Variants in GRB10 observed in about 807,000 individuals in gnomAD.
The protein encoded by GRB10 is growth factor receptor bound protein 10.
In GRB10, 20 loss-of-function variants were observed where a neutral mutation model predicts 80.9. That is an observed-to-expected ratio of 0.25 (90% CI 0.17 to 0.36). The LOEUF (loss-of-function observed/expected upper bound fraction) is 0.36. Ranked by LOEUF, GRB10 falls within the 10% of genes least tolerant of loss-of-function variation. GRB10 has a pLI of 1.00. For missense variants in GRB10, 548 were observed against 747.7 expected, an observed-to-expected ratio of 0.73 and a Z score of 3.12; for synonymous variants, 291 against 291.5, an observed-to-expected ratio of 1.00 and a Z score of 0.02.
intron 7 of GRB10, among the ~76,000 whole-genome samples, chr7:50,627,738 G>A (rs1585927674): frequency 6.6e-6 from 1 of 152,226 alleles, no homozygotes; most frequent in Admixed American, 6.5e-5. Flanking sequence ...CCCAGAACAC[G>A]AGGTGTGTTT....
At chr7:50,710,114 G>A (rs931039423) in intron 4 of GRB10, among the ~76,000 whole-genome samples, 2 of 152,012 alleles carry the variant, frequency 1.3e-5, no homozygotes, top group African/African-American at 4.8e-5. Flanking sequence ...CCAACGAAAA[G>A]TCTACCTCCT....
chr7:50,593,893 A>C (rs986739843), intron 18 of GRB10, among the ~76,000 whole-genome samples: 1 of 152,074 alleles, frequency 6.6e-6, no homozygotes, highest in African/African-American at 2.4e-5. Flanking sequence ...CTGCACACCT[A>C]ATGCCCTAAG....
At chr7:50,675,207 G>A (rs1031021366) in intron 5 of GRB10, among the ~76,000 whole-genome samples, 2 of 152,250 alleles carry the variant, frequency 1.3e-5, no homozygotes, top group African/African-American at 4.8e-5. Flanking sequence ...TACAACACAT[G>A]CCTGAGGGCT....
intron 18 of GRB10, among the ~76,000 whole-genome samples, chr7:50,593,351 C>T (rs79161692): frequency 0.044 from 6,641 of 152,224 alleles, 473 homozygotes; most frequent in African/African-American, 0.15. Flanking sequence ...AGCTCCCCTG[C>T]TCCCTAAGGT....
chr7:50,771,390 T>C (rs1028742210), intron 2 of GRB10, among the ~76,000 whole-genome samples: 4 of 152,234 alleles, frequency 2.6e-5, no homozygotes, highest in Non-Finnish European at 5.9e-5. Flanking sequence ...TTGTTGATTC[T>C]GGCAAGATGC....
chr7:50,779,382 G>A (rs2078046679), intron 2 of GRB10: 1 of 152,168 alleles, frequency 6.6e-6, no homozygotes, highest in African/African-American at 2.4e-5. Flanking sequence ...GGTATTTTCA[G>A]ACATTGTTAA....
At chr7:50,629,036 G>A (rs1183338092) in intron 7 of GRB10, among the ~76,000 whole-genome samples, 1 of 152,178 alleles carries the variant, frequency 6.6e-6, no homozygotes, top group Non-Finnish European at 1.5e-5. Flanking sequence ...TTATAAATAT[G>A]CTAACCATCA....
At chr7:50,674,872 C>T (rs995957252) in intron 5 of GRB10, among the ~76,000 whole-genome samples, 1 of 152,188 alleles carries the variant, frequency 6.6e-6, no homozygotes, top group Non-Finnish European at 1.5e-5. Context: ...ACAATTCAAT[C>T]ATTAGAGCTG....
At chr7:50,770,621 C>T (rs1342133852) in intron 2 of GRB10, among the ~76,000 whole-genome samples, 3 of 152,124 alleles carry the variant, frequency 2.0e-5, no homozygotes, top group Non-Finnish European at 2.9e-5. Context: ...CATTCCGTCG[C>T]GAATGCACAG....
At position 50,626,971 on chromosome 7, in the gene GRB10, T is replaced by C; in HGVS notation, c.512A>G (p.Lys171Arg). 1 of 1,614,194 alleles carries C rather than the reference T, an allele frequency of 6.2e-7. No homozygotes were observed. Among genetic ancestry groups the C allele is most frequent in the Non-Finnish European group, 8.5e-7 (1 of 1,180,028 alleles). ...GCTTGTCCCATCTTCACTAAAGACT[T>C]TAACATCCTGCAACACACAAAGGGG... is the stretch of plus-strand genomic sequence containing the variant. ...PSQAAAKQDVKVFSEDGTSKV... is the reference protein window; with the variant it reads ...PSQAAAKQDVRVFSEDGTSKV... Residue 171 changes from lysine to arginine, a missense_variant, in exon 8 of 19, where the codon AAA becomes AGA. Physicochemically the swap from Lys to Arg is conservative, Grantham distance 26 (BLOSUM62 2). Coordinates refer to ENST00000401949, the MANE Select transcript of GRB10 (RefSeq NM_001350814.2).
chr7:50,641,091 T>C (rs1413742304), intron 7 of GRB10, among the ~76,000 whole-genome samples: 2 of 135,118 alleles, frequency 1.5e-5, no homozygotes, highest in Non-Finnish European at 3.5e-5. Context: ...CTGGGAACAA[T>C]TTTTTTGTCT....
intron 5 of GRB10, 21 bp downstream of exon 5, chr7:50,703,800 T>C (rs1210718526): frequency 1.3e-6 from 2 of 1,575,576 alleles, no homozygotes; most frequent in East Asian, 2.2e-5. Flanking sequence ...GGAGTGTTCT[T>C]GTGTTTTGCT....
rs756429777 is a variant in GRB10 at position 50,674,505 on chromosome 7, G to A, written c.293C>T (p.Ser98Phe). ...SQPRASGPPRSIQPQVSPRQR... is the reference protein window; with the variant it reads ...SQPRASGPPRFIQPQVSPRQR... Reference sequence around the variant, plus strand: ...CCTCGGGGACACCTGTGGCTGGATGGACCGAGGAGGGCCTGAAGCCCGAGG... The same window carrying A: ...CCTCGGGGACACCTGTGGCTGGATGAACCGAGGAGGGCCTGAAGCCCGAGG... The change falls in exon 6 of 19, where the codon TCC becomes TTC. Residue 98 changes from serine (S) to phenylalanine (F), a missense_variant. Ser to Phe is a radical substitution (Grantham distance 155, BLOSUM62 -2). Around this residue, in one of 4 missense-constraint regions of GRB10, gnomAD observed 245 missense variants for 229.3 expected, o/e 1.07. Coordinates refer to ENST00000401949, the MANE Select transcript of GRB10 (RefSeq NM_001350814.2). 2 of 1,609,606 alleles carry A rather than the reference G, an allele frequency of 1.2e-6. No individual in the cohort carries two copies. Among genetic ancestry groups the A allele is most frequent in the Non-Finnish European group, 1.7e-6 (2 of 1,180,008 alleles).
intron 3 of GRB10, among the ~76,000 whole-genome samples, chr7:50,734,812 G>T (rs1227322183): frequency 1.3e-5 from 2 of 152,120 alleles, no homozygotes; most frequent in African/African-American, 4.8e-5. Flanking sequence ...GCTATCTCTG[G>T]TCTCTAATAA....
At chr7:50,604,615 TCA>T (rs145419095) in intron 15 of GRB10, among the ~76,000 whole-genome samples, 3,430 of 152,256 alleles carry the variant, frequency 0.023, 126 homozygotes, top group African/African-American at 0.079. Flanking sequence ...TGCTTATTTC[TCA>T]CACTGAAGAC....
intron 5 of GRB10, among the ~76,000 whole-genome samples, chr7:50,689,803 C>A (rs1586917033): frequency 6.6e-6 from 1 of 151,454 alleles, no homozygotes; most frequent in Admixed American, 6.6e-5. Context: ...CATTCTGTAG[C>A]AAATGACAGA....
intron 7 of GRB10, among the ~76,000 whole-genome samples, chr7:50,629,722 C>G (rs2053651054): frequency 6.6e-6 from 1 of 152,252 alleles, no homozygotes; most frequent in South Asian, 2.1e-4. Flanking sequence ...CTGCCAGCCA[C>G]TGACCACGGA....
At chr7:50,688,265 G>A (rs1372311945) in intron 5 of GRB10, among the ~76,000 whole-genome samples, 1 of 152,162 alleles carries the variant, frequency 6.6e-6, no homozygotes, top group Non-Finnish European at 1.5e-5. Context: ...AAAACAACAT[G>A]ATCCCTGGGC....
At chr7:50,708,716 G>GC in intron 4 of GRB10, among the ~76,000 whole-genome samples, 1 of 127,508 alleles carries the variant, frequency 7.8e-6, no homozygotes, top group Non-Finnish European at 1.6e-5. Context: ...TCACTCTGTC[G>GC]CCAGGCTGGA....
Sources: gnomAD v4.1 joint callset for allele counts (sites outside exome capture counted in the v4.1 genomes callset) on GRCh38, gnomAD v4.1.1 for gene constraint, gnomAD v4.1.1 regional missense constraint, MANE v1.5 for transcripts, NCBI Gene and HGNC (gene_info 2026-07-23, HGNC 2026-07-21) for gene names.